The following P2RY12 variants were observed in gnomAD, a reference collection of about 807,000 sequenced individuals.
P2RY12 encodes purinergic receptor P2Y12, also known as P2Y purinoceptor 12.
Under a neutral mutation model 4.5 loss-of-function variants are expected in P2RY12, and 3 were observed. The observed-to-expected ratio is 0.67, with a 90% CI of 0.31 to 1.74. P2RY12 has a LOEUF of 1.74. P2RY12 is among the 40% of genes most tolerant of loss of function. The pLI is 0.09. For missense variants in P2RY12, 356 were observed against 407.8 expected (o/e 0.87, Z 1.09); for synonymous variants, 148 against 154.1 (o/e 0.96, Z 0.29).
chr3:151,380,064 A>G, intron 1 of P2RY12: 1 of 1,113,720 alleles, frequency 9.0e-7, no homozygotes, highest in Non-Finnish European at 1.3e-6. Flanking sequence ...CAGAGGAAGT[A>G]ATGCATTATT....
intron 1 of P2RY12, chr3:151,365,280 G>A (rs1046307367): frequency 1.6e-5 from 20 of 1,227,224 alleles, no homozygotes; most frequent in East Asian, 2.3e-5. Context: ...AATTGATGTC[G>A]TTAGTAAGTG....
intron 1 of P2RY12, among the ~76,000 whole-genome samples, chr3:151,353,807 G>A (rs1753547843): frequency 2.0e-5 from 3 of 152,168 alleles, no homozygotes; most frequent in Admixed American, 2.0e-4. Context: ...ACGACAGTGT[G>A]AGGAGTAGAA....
At chr3:151,341,586 T>C (rs945096528) in intron 1 of P2RY12, among the ~76,000 whole-genome samples, 4 of 151,956 alleles carry the variant, frequency 2.6e-5, no homozygotes, top group Non-Finnish European at 2.9e-5. Context: ...TTAATTTTAT[T>C]ATTATTATAC....
intron 1 of P2RY12, chr3:151,360,722 G>T: frequency 2.1e-6 from 2 of 956,522 alleles, no homozygotes; most frequent in East Asian, 2.5e-5. Flanking sequence ...TATCTATTAG[G>T]CAGTAATTTT....
intron 1 of P2RY12, among the ~76,000 whole-genome samples, chr3:151,368,541 G>A (rs1755566218): frequency 6.6e-6 from 1 of 151,810 alleles, no homozygotes; most frequent in Non-Finnish European, 1.5e-5. Flanking sequence ...CACGTACTGT[G>A]TGTGTTGGTT....
At chr3:151,382,868 C>T (rs768405441) in intron 1 of P2RY12, 51 of 679,626 alleles carry the variant, frequency 7.5e-5, no homozygotes, top group Non-Finnish European at 1.1e-4. Context: ...ACTCTTTGCT[C>T]TCTGTAATTA....
chr3:151,378,760 G>T (rs1711672990), intron 1 of P2RY12, among the ~76,000 whole-genome samples: 1 of 151,912 alleles, frequency 6.6e-6, no homozygotes, highest in Non-Finnish European at 1.5e-5. Context: ...AGAAACCTAG[G>T]AGTAAAGGAA....
At chr3:151,366,499 A>G (rs1166453673) in intron 1 of P2RY12, among the ~76,000 whole-genome samples, 1 of 152,226 alleles carries the variant, frequency 6.6e-6, no homozygotes, top group Non-Finnish European at 1.5e-5. Context: ...CTGGAAGATG[A>G]TGAAAAGATA....
chr3:151,361,489 T>C (rs958115695), intron 1 of P2RY12, among the ~76,000 whole-genome samples: 1 of 152,188 alleles, frequency 6.6e-6, no homozygotes, highest in African/African-American at 2.4e-5. Flanking sequence ...GTTAACCTAC[T>C]TGCTATCTTA....
chr3:151,345,757 AT>A (rs963832022), intron 1 of P2RY12, among the ~76,000 whole-genome samples: 4 of 151,954 alleles, frequency 2.6e-5, no homozygotes, highest in Non-Finnish European at 5.9e-5. Context: ...ACCTCAGGTG[AT>A]CCTCCACCTC....
chr3:151,380,284 G>T, intron 1 of P2RY12: 1 of 1,185,376 alleles, frequency 8.4e-7, no homozygotes, highest in African/African-American at 1.6e-5. Flanking sequence ...TCATTTATTT[G>T]CCTTTCAAAT....
In P2RY12 at chr3:151,368,163, G is replaced by C. The variant is rs35291743; in HGVS notation, c.-180+16529C>G. On this transcript the variant is annotated intron_variant, in intron 1 of 2. Transcript: ENST00000302632. ...CCCCTTTCCTAGCTTGTGGGGATGC[G>C]GACGCCGAGCCTGGGGCGAGAATGA... is the stretch of plus-strand genomic sequence containing the variant. 0.01 allele frequency: 16,682 copies of C among 1,613,858 alleles called. 131 individuals are homozygous for C. The highest frequency in any genetic ancestry group is 0.023 in the South Asian group (2,106 of 91,078).
intron 1 of P2RY12, chr3:151,368,116 T>G (rs1199521603): frequency 1.9e-6 from 3 of 1,553,340 alleles, no homozygotes; most frequent in Non-Finnish European, 2.7e-6. Context: ...CCAAGTGTGT[T>G]AGAAAACTTG....
At chr3:151,350,978 C>T (rs1753168187) in intron 1 of P2RY12, among the ~76,000 whole-genome samples, 1 of 152,030 alleles carries the variant, frequency 6.6e-6, no homozygotes, top group African/African-American at 2.4e-5. Context: ...ATCCTGCTAC[C>T]ACCACTGGTG....
At chr3:151,380,597 CAAAAAAAAAA>C (rs56792030) in intron 1 of P2RY12, among the ~76,000 whole-genome samples, 2 of 113,284 alleles carry the variant, frequency 1.8e-5, no homozygotes, top group Non-Finnish European at 3.7e-5. Flanking sequence ...AACTCTGTCT[CAAAAAAAAAA>C]AAAAAAAACA....
chr3:151,346,866 A>G (rs751529293), intron 1 of P2RY12, among the ~76,000 whole-genome samples: 2 of 152,072 alleles, frequency 1.3e-5, no homozygotes, highest in African/African-American at 2.4e-5. Context: ...CTACCCTTCA[A>G]ATTCCTTGCA....
At chr3:151,382,612 G>A (rs769243404) in intron 1 of P2RY12, 7 of 1,411,836 alleles carry the variant, frequency 5.0e-6, no homozygotes, top group Non-Finnish European at 6.9e-6. Context: ...CTTTAAATGA[G>A]AGAAAAATTA....
chr3:151,366,020 A>C (rs1248715248), intron 1 of P2RY12: 7 of 1,523,818 alleles, frequency 4.6e-6, no homozygotes, highest in Non-Finnish European at 5.3e-6. Flanking sequence ...TTAAAAATTG[A>C]ACTGTGCAAT....
intron 2 of P2RY12, among the ~76,000 whole-genome samples, chr3:151,339,716 A>G (rs577121223): frequency 1.5e-4 from 23 of 152,252 alleles, no homozygotes; most frequent in Admixed American, 3.3e-4. Context: ...AACAGGGCAT[A>G]CTTTCCAGAT....
Sources: gnomAD v4.1 joint callset for allele counts (sites outside exome capture counted in the v4.1 genomes callset) on GRCh38, gnomAD v4.1.1 for gene constraint, MANE v1.5 for transcripts, NCBI Gene and HGNC (gene_info 2026-07-23, HGNC 2026-07-21) for gene names.